SLC16A6: variants seen among roughly 807,000 people sequenced by gnomAD.
SLC16A6 encodes the protein solute carrier family 16 member 6, also known as monocarboxylate transporter 7.
Under a neutral mutation model 33.8 loss-of-function variants are expected in SLC16A6, and 15 were observed. The ratio of observed to expected loss-of-function variants is 0.44; its 90% CI spans 0.30 to 0.68. SLC16A6 has a LOEUF of 0.68. SLC16A6 is among the 30% of genes least tolerant of loss of function. SLC16A6 has a pLI of 0.10. For missense variants in SLC16A6, 451 were observed against 661.5 expected, an observed-to-expected ratio of 0.68 and a Z score of 3.49; for synonymous variants, 219 against 248.4, an observed-to-expected ratio of 0.88 and a Z score of 1.11.
intron 3 of SLC16A6, 99 bp from the exon 4 acceptor site, chr17:68,272,866 A>G (rs2075386062): frequency 6.8e-7 from 1 of 1,469,462 alleles, no homozygotes; most frequent in Non-Finnish European, 9.3e-7. Flanking sequence ...TGCTTTTTGA[A>G]TCTTAAGTTC....
intron 1 of SLC16A6, among the ~76,000 whole-genome samples, chr17:68,282,288 T>G (rs2075718239): frequency 2.0e-5 from 3 of 148,476 alleles, no homozygotes; most frequent in South Asian, 2.1e-4. Context: ...CACTCATAGG[T>G]GGGAATTGAA....
intron 2 of SLC16A6, among the ~76,000 whole-genome samples, chr17:68,276,235 A>G (rs1411710990): frequency 6.6e-6 from 1 of 151,810 alleles, no homozygotes; most frequent in Non-Finnish European, 1.5e-5. Flanking sequence ...CTGGGATTAC[A>G]GGTGCCCACC....
At chr17:68,281,768 A>T (rs562928453) in intron 1 of SLC16A6, among the ~76,000 whole-genome samples, 1 of 152,280 alleles carries the variant, frequency 6.6e-6, no homozygotes, top group South Asian at 2.1e-4. Flanking sequence ...AAAATAACAA[A>T]TGCTGGCAAG....
At chr17:68,287,933 TTCTTC>T (rs1254463814) in intron 1 of SLC16A6, among the ~76,000 whole-genome samples, 2 of 150,908 alleles carry the variant, frequency 1.3e-5, no homozygotes, top group East Asian at 1.9e-4. Context: ...TTCTCTTCTC[TTCTTC>T]TCTTCTCTCT....
chr17:68,287,675 G>A (rs1417648031), intron 1 of SLC16A6, among the ~76,000 whole-genome samples: 2 of 152,014 alleles, frequency 1.3e-5, no homozygotes, highest in African/African-American at 2.4e-5. Context: ...CCTGAACCCC[G>A]TCCTACCCCC....
At chr17:68,282,160 A>G (rs545119077) in intron 1 of SLC16A6, among the ~76,000 whole-genome samples, 4 of 152,336 alleles carry the variant, frequency 2.6e-5, no homozygotes, top group South Asian at 2.1e-4. Flanking sequence ...ACCATGGAAT[A>G]CTATGCAGCC....
chr17:68,272,060 C>CA (rs782706828), intron 4 of SLC16A6, among the ~76,000 whole-genome samples: 1 of 152,100 alleles, frequency 6.6e-6, no homozygotes. Flanking sequence ...CTCGGCCTCT[C>CA]AAAGTACTGG....
At chr17:68,287,741 G>A (rs1555754704) in intron 1 of SLC16A6, among the ~76,000 whole-genome samples, 1 of 151,964 alleles carries the variant, frequency 6.6e-6, no homozygotes, top group Non-Finnish European at 1.5e-5. Context: ...ATTTAGCTTT[G>A]AAGATAAGAC....
At chr17:68,270,058 C>T (rs1469769362) in intron 5 of SLC16A6, among the ~76,000 whole-genome samples, 1 of 152,126 alleles carries the variant, frequency 6.6e-6, no homozygotes, top group African/African-American at 2.4e-5. Flanking sequence ...ATGAAACATA[C>T]CTATGTCCCT....
intron 3 of SLC16A6, 41 bp from the exon 4 acceptor site, chr17:68,272,808 C>T (rs1599501193): frequency 1.9e-6 from 3 of 1,609,530 alleles, no homozygotes; most frequent in Non-Finnish European, 2.5e-6. Context: ...GACCCACATA[C>T]TGCTTGAGAC....
In SLC16A6 at chr17:68,274,060, G is replaced by A; in HGVS notation, c.243C>T (p.Ala81=). Residue 81 remains alanine (A), a synonymous_variant, in exon 3 of 6, where the codon GCC becomes GCT. Coordinates refer to ENST00000580666, the MANE Select transcript of SLC16A6 (RefSeq NM_004694.5). ...GTCCGAAACGATTGCTCAGGACTGT[G>A]GCGAGGGGAGCTGCCGGGAAAGAAC... ...VFVLTFSAPL[A]TVLSNRFGHR... is the part of the protein sequence containing the mutation. 6.2e-7 allele frequency: 1 copy of A among 1,612,742 alleles called. No individual in the cohort carries two copies.
chr17:68,282,198 G>A (rs2075715683), intron 1 of SLC16A6, among the ~76,000 whole-genome samples: 1 of 152,120 alleles, frequency 6.6e-6, no homozygotes, highest in Non-Finnish European at 1.5e-5. Context: ...CATGTCCTTG[G>A]TAGGGACATG....
At chr17:68,280,882 C>T (rs998893441) in intron 1 of SLC16A6, among the ~76,000 whole-genome samples, 3 of 152,154 alleles carry the variant, frequency 2.0e-5, no homozygotes, top group South Asian at 2.1e-4. Context: ...CCCAGCACTT[C>T]GGGATGCCAA....
Position 68,288,143 on chromosome 17 carries a change from C to T in SLC16A6, c.-8+2943G>A, listed in dbSNP as rs532290719. On this transcript the variant is annotated intron_variant, in intron 1 of 5. Transcript: ENST00000580666. ...TCCTGAGTAGTTGGGATTAAAGGCG[C>T]ATGCCACCACGCCCGGCTGATTTTT... 3.3e-5 allele frequency among the ~76,000 whole-genome samples: 5 copies of T among 151,746 alleles called. No homozygotes were observed. In the East Asian group the frequency reaches 9.7e-4, roughly 29 times the overall value.
Position 68,272,705 on chromosome 17 carries a change from T to G in SLC16A6, c.439A>C (p.Arg147=). ...VTILSQYFGK[R]RSIVTAVAST... ...GCAACTGCAGTGACTATGGAACGTC[T>G]TTTGCCAAAATATTGTGATAGGATG... Residue 147 remains arginine (R), a synonymous_variant, in exon 4 of 6, where the codon AGA becomes CGA. Transcript: ENST00000580666. 6.2e-7 allele frequency: 1 copy of G among 1,614,192 alleles called. No homozygotes were observed. Among genetic ancestry groups the G allele is most frequent in the Non-Finnish European group, 8.5e-7 (1 of 1,180,018 alleles).
chr17:68,288,494 T>G (rs965991), intron 1 of SLC16A6, among the ~76,000 whole-genome samples: 54,638 of 151,946 alleles, frequency 0.36, 9,948 homozygotes, highest in Admixed American at 0.39. Flanking sequence ...TTTTCAGCTG[T>G]GTAGGGATCT....
intron 1 of SLC16A6, among the ~76,000 whole-genome samples, chr17:68,280,352 A>G (rs2075655677): frequency 6.6e-6 from 1 of 152,186 alleles, no homozygotes; most frequent in Non-Finnish European, 1.5e-5. Context: ...GAAAAAAAGA[A>G]CAAAGCTGGA....
intron 5 of SLC16A6, 135 bp downstream of exon 5, chr17:68,270,704 C>T (rs782814812): frequency 1.3e-6 from 1 of 754,886 alleles, no homozygotes; most frequent in African/African-American, 1.8e-5. Flanking sequence ...CTCAGGTAAT[C>T]TCTAATCCCT....
chr17:68,284,727 G>A (rs782795674), intron 1 of SLC16A6, among the ~76,000 whole-genome samples: 40 of 152,184 alleles, frequency 2.6e-4, no homozygotes, highest in Non-Finnish European at 5.1e-4. Context: ...CATTCCCACT[G>A]TAGCCTAGTA....
Sources: gnomAD v4.1 joint callset for allele counts (sites outside exome capture counted in the v4.1 genomes callset) on GRCh38, gnomAD v4.1.1 for gene constraint, MANE v1.5 for transcripts, NCBI Gene and HGNC (gene_info 2026-07-23, HGNC 2026-07-21) for gene names.